ST3GAL1: variants seen among roughly 807,000 people sequenced by gnomAD.
ST3GAL1 encodes CMP-N-acetylneuraminate-beta-galactosamide-alpha-2,3-sialyltransferase 1.
In ST3GAL1, 16 loss-of-function variants were observed where a neutral mutation model predicts 34.1. That is an observed-to-expected ratio of 0.47 (90% CI 0.32 to 0.71). The LOEUF is 0.71. Ranked by LOEUF, ST3GAL1 falls within the 30% of genes least tolerant of loss-of-function variation. The pLI is 0.04. For missense variants in ST3GAL1, 353 were observed against 447.4 expected (o/e 0.79, Z 1.90); for synonymous variants, 191 against 184.7 (o/e 1.03, Z -0.28).
At chr8:133,479,172 A>G (rs976162272) in intron 3 of ST3GAL1, among the ~76,000 whole-genome samples, 1 of 152,006 alleles carries the variant, frequency 6.6e-6, no homozygotes. Flanking sequence ...TTGACTGCAT[A>G]TTTGCTGGTC....
chr8:133,529,870 T>C (rs372225909), intron 2 of ST3GAL1, among the ~76,000 whole-genome samples: 22 of 152,308 alleles, frequency 1.4e-4, no homozygotes, highest in African/African-American at 4.8e-4. Context: ...TCTGCTCATC[T>C]TTCTCTTCTC....
At chr8:133,517,937 G>A (rs1817693265) in intron 2 of ST3GAL1, among the ~76,000 whole-genome samples, 1 of 152,200 alleles carries the variant, frequency 6.6e-6, no homozygotes, top group South Asian at 2.1e-4. Flanking sequence ...TCCATAGGAC[G>A]ATCTCACAGA....
At chr8:133,541,120 T>TATATATATAAAGAGAGAG (rs71299078) in intron 2 of ST3GAL1, among the ~76,000 whole-genome samples, 1 of 48,628 alleles carries the variant, frequency 2.1e-5, no homozygotes, top group African/African-American at 9.9e-5. Context: ...TATATATATA[T>TATATATATAAAGAGAGAG]AGAGAGAGAG....
At chr8:133,505,693 C>G (rs1225414567) in intron 2 of ST3GAL1, among the ~76,000 whole-genome samples, 2 of 151,852 alleles carry the variant, frequency 1.3e-5, no homozygotes, top group African/African-American at 4.8e-5. Flanking sequence ...ATCTCCACCT[C>G]CTGGGTTCAA....
chr8:133,490,632 A>G (rs917671801), intron 3 of ST3GAL1, among the ~76,000 whole-genome samples: 10 of 152,198 alleles, frequency 6.6e-5, no homozygotes, highest in Non-Finnish European at 1.2e-4. Flanking sequence ...GCCTGTGCCC[A>G]AAAAAGCACA....
chr8:133,459,808 T>C lies in ST3GAL1; in HGVS notation c.979A>G (p.Thr327Ala), dbSNP rs1815427675. The C allele has an allele frequency of 6.2e-7, 1 of 1,613,756 alleles. No homozygotes were observed. Among genetic ancestry groups the C allele is most frequent in the Admixed American group, 1.7e-5 (1 of 59,976 alleles). Reference protein sequence around the residue: ...DADFESNVTATLASINKIRIF... With the variant: ...DADFESNVTAALASINKIRIF... ...CGGATTTTATTGATGGAGGCCAAGG[T>C]GGCCGTCACGTTAGACTCAAAGTCT... Residue 327 changes from threonine (T) to alanine (A), a missense_variant, in exon 10 of 10, where the codon ACC becomes GCC. By Grantham distance (58) the Thr-to-Ala change is moderately conservative. Coordinates refer to ENST00000522652, the MANE Select transcript of ST3GAL1 (RefSeq NM_173344.3). The surrounding 1 kb of genome is among the most constrained non-coding windows in gnomAD (Gnocchi z 4.7).
chr8:133,569,544 C>CA (rs1258919103), intron 1 of ST3GAL1, among the ~76,000 whole-genome samples: 1 of 152,076 alleles, frequency 6.6e-6, no homozygotes, highest in Non-Finnish European at 1.5e-5. Flanking sequence ...GAGACAGAGA[C>CA]AGAGAGACGG....
At chr8:133,503,824 A>T (rs960227561) in intron 2 of ST3GAL1, among the ~76,000 whole-genome samples, 1 of 152,246 alleles carries the variant, frequency 6.6e-6, no homozygotes, top group African/African-American at 2.4e-5. Context: ...CTTGAAAGGC[A>T]GAGATGGCAG....
chr8:133,522,401 C>T (rs1817839903), intron 2 of ST3GAL1, among the ~76,000 whole-genome samples: 1 of 152,276 alleles, frequency 6.6e-6, no homozygotes, highest in Non-Finnish European at 1.5e-5. Context: ...CCATCACAGG[C>T]ACAGTGTGGT....
chr8:133,520,068 A>G (rs1817756320), intron 2 of ST3GAL1, among the ~76,000 whole-genome samples: 1 of 152,240 alleles, frequency 6.6e-6, no homozygotes, highest in African/African-American at 2.4e-5. Context: ...CCCACTCATC[A>G]TTCTTTCAGC....
intron 2 of ST3GAL1, among the ~76,000 whole-genome samples, chr8:133,522,595 G>T (rs960690849): frequency 1.3e-5 from 2 of 152,164 alleles, no homozygotes; most frequent in African/African-American, 4.8e-5. Flanking sequence ...CTGGTCCAGG[G>T]TGCTGAGGCG....
At position 133,508,888 on chromosome 8, in the gene ST3GAL1, G is replaced by A. The variant is rs1255080483; in HGVS notation, c.-428-9699C>T. Reference sequence around the variant, plus strand: ...AGACTTAGAGGCAAGCAGAAATGACGCAAGTATGAAACTCAAGCTGGCTGC... The same window carrying A: ...AGACTTAGAGGCAAGCAGAAATGACACAAGTATGAAACTCAAGCTGGCTGC... On this transcript the variant is annotated intron_variant, in intron 2 of 9. Transcript: ENST00000522652. This position sits in a 1 kb window ranked among gnomAD's most constrained non-coding sequence, Gnocchi z 4.1. Among the ~76,000 whole-genome samples, 4 of 152,142 alleles carry A rather than the reference G, an allele frequency of 2.6e-5. No individual in the cohort carries two copies. Among genetic ancestry groups the A allele is most frequent in the Middle Eastern group, 3.4e-3 (1 of 294 alleles).
intron 2 of ST3GAL1, among the ~76,000 whole-genome samples, chr8:133,506,956 T>TAAATAATAAATA (rs139156074): frequency 1.4e-5 from 2 of 147,860 alleles, no homozygotes; most frequent in African/African-American, 2.5e-5. Context: ...AATAAATAAA[T>TAAATAATAAATA]AATAAATAAA....
chr8:133,464,690 G>A, intron 7 of ST3GAL1, 88 bp downstream of exon 7: 1 of 1,457,608 alleles, frequency 6.9e-7, no homozygotes, highest in Admixed American at 2.0e-5. Flanking sequence ...CACCCCGGTG[G>A]AGGCACAGCA....
intron 2 of ST3GAL1, among the ~76,000 whole-genome samples, chr8:133,520,961 T>C (rs534874333): frequency 2.6e-3 from 299 of 115,296 alleles, no homozygotes; most frequent in African/African-American, 9.6e-3. Context: ...TGGGTTGTTT[T>C]TTTTTTTTTT....
chr8:133,539,839 T>G (rs1261067540), intron 2 of ST3GAL1: 1 of 152,194 alleles, frequency 6.6e-6, no homozygotes, highest in Non-Finnish European at 1.5e-5. Context: ...AAGGCTGCAG[T>G]GAGTTGTGAT....
intron 2 of ST3GAL1, among the ~76,000 whole-genome samples, chr8:133,541,152 G>GAGAGAGAGAGAGAGAGAGAGAC (rs1159713676): frequency 7.3e-6 from 1 of 136,640 alleles, no homozygotes; most frequent in African/African-American, 2.8e-5. Context: ...GAGAGAGAGA[G>GAGAGAGAGAGAGAGAGAGAGAC]ACTGTGTGTC....
At chr8:133,535,620 G>C (rs1818287975) in intron 2 of ST3GAL1, among the ~76,000 whole-genome samples, 1 of 151,158 alleles carries the variant, frequency 6.6e-6, no homozygotes. Context: ...AAGTGACTAG[G>C]ACTATAGATG....
At chr8:133,527,864 C>T (rs972822981) in intron 2 of ST3GAL1, among the ~76,000 whole-genome samples, 3 of 152,142 alleles carry the variant, frequency 2.0e-5, no homozygotes, top group Non-Finnish European at 4.4e-5. Flanking sequence ...CCATTCCCAT[C>T]GAGAGCTCAT....
Sources: allele counts gnomAD v4.1 joint callset (sites outside exome capture counted in the v4.1 genomes callset), GRCh38; gene constraint gnomAD v4.1.1; non-coding constraint Gnocchi (gnomAD v3.1); transcripts MANE v1.5; gene names NCBI Gene and HGNC (gene_info 2026-07-23, HGNC 2026-07-21).